CHCHD3: variants seen among roughly 807,000 people sequenced by gnomAD.
CHCHD3 encodes the protein MICOS complex subunit MIC19.
In CHCHD3, 20 loss-of-function variants were observed where a neutral mutation model predicts 38.2. The ratio of observed to expected loss-of-function variants is 0.52; its 90% CI spans 0.37 to 0.76. CHCHD3 has a LOEUF of 0.76. CHCHD3 is among the 30% of genes least tolerant of loss of function. The pLI is 0.00. For synonymous variants in CHCHD3, 82 were observed against 100.0 expected (o/e 0.82, Z 1.07); for missense variants, 245 against 279.2 (o/e 0.88, Z 0.87).
At position 133,035,621 on chromosome 7, in the gene CHCHD3, G is replaced by T; in HGVS notation, c.170-10994C>A. Reference sequence around the variant, plus strand: ...GGGGCACTATATCGGAATCAGCAAAGCTCACCCACTGCACCACCTGGGCTG... The same window carrying T: ...GGGGCACTATATCGGAATCAGCAAATCTCACCCACTGCACCACCTGGGCTG... On this transcript the variant is annotated intron_variant, in intron 2 of 7. Coordinates refer to ENST00000262570, the MANE Select transcript of CHCHD3 (RefSeq NM_017812.4). The surrounding 1 kb of genome is among the most constrained non-coding windows in gnomAD (Gnocchi z 4.7). The T allele has an allele frequency of 6.2e-7, 1 of 1,611,590 alleles. No individual in the cohort carries two copies. Among genetic ancestry groups the T allele is most frequent in the Non-Finnish European group, 8.5e-7 (1 of 1,178,620 alleles).
intron 4 of CHCHD3, among the ~76,000 whole-genome samples, chr7:132,927,940 C>CAA (rs137999712): frequency 6.6e-6 from 1 of 152,056 alleles, no homozygotes; most frequent in South Asian, 2.1e-4. Context: ...TTTATTCATA[C>CAA]AAAAAAAATT....
At chr7:133,033,452 C>A (rs996039441) in intron 2 of CHCHD3, among the ~76,000 whole-genome samples, 13 of 152,046 alleles carry the variant, frequency 8.6e-5, no homozygotes, top group Admixed American at 3.9e-4. Context: ...GAAGTGGTGC[C>A]GTACTCCTCA....
At chr7:132,822,123 G>A (rs957751626) in intron 6 of CHCHD3, among the ~76,000 whole-genome samples, 1 of 152,198 alleles carries the variant, frequency 6.6e-6, no homozygotes, top group Non-Finnish European at 1.5e-5. Context: ...TCGTCTGTTA[G>A]AAAAGGTGAA....
chr7:132,923,388 A>G (rs1585641837), intron 4 of CHCHD3, among the ~76,000 whole-genome samples: 1 of 152,160 alleles, frequency 6.6e-6, no homozygotes, highest in East Asian at 1.9e-4. Flanking sequence ...TCGCCTTTCC[A>G]TATGGATAAG....
chr7:132,803,715 G>A (rs1394750692), intron 6 of CHCHD3, among the ~76,000 whole-genome samples: 1 of 151,572 alleles, frequency 6.6e-6, no homozygotes, highest in Non-Finnish European at 1.5e-5. Flanking sequence ...GAGGAAAGCA[G>A]AAAGATATTA....
chr7:133,007,926 G>C (rs1203330483), intron 3 of CHCHD3, among the ~76,000 whole-genome samples: 1 of 152,160 alleles, frequency 6.6e-6, no homozygotes, highest in Non-Finnish European at 1.5e-5. Context: ...TCTACAGGTT[G>C]AATCTCATTT....
rs139579719 is a variant in CHCHD3 at position 132,884,204 on chromosome 7, A to G, written c.453+1458T>C. ...AACATGCCAAGTTCACGCCTGCTTC[A>G]CGGTTTTGGCAATGGCTTGCTTCCC... is the stretch of plus-strand genomic sequence containing the variant. On this transcript the variant is annotated intron_variant, in intron 5 of 7. Transcript: ENST00000262570. Among the ~76,000 whole-genome samples, 58 of 152,182 alleles carry G rather than the reference A, an allele frequency of 3.8e-4. 1 individual carries two copies. Among genetic ancestry groups the G allele is most frequent in the Middle Eastern group, 3.4e-3 (1 of 294 alleles).
chr7:132,851,232 A>C (rs1808212309), intron 5 of CHCHD3, among the ~76,000 whole-genome samples: 1 of 152,186 alleles, frequency 6.6e-6, no homozygotes, highest in African/African-American at 2.4e-5. Flanking sequence ...TTAAGGTTTT[A>C]GCCTGGGCAT....
intron 4 of CHCHD3, chr7:132,972,585 T>C: frequency 1.0e-6 from 1 of 985,330 alleles, no homozygotes; most frequent in Non-Finnish European, 1.2e-6. Flanking sequence ...AGAAATCTGG[T>C]AAATAAATTG....
At position 132,930,741 on chromosome 7, in the gene CHCHD3, T is replaced by C. The variant is rs557665800; in HGVS notation, c.369+44428A>G. Among the ~76,000 whole-genome samples, 19 of 152,242 alleles carry C rather than the reference T, an allele frequency of 1.2e-4. No homozygotes were observed. The South Asian group carries it at 3.7e-3, about 30-fold the overall frequency. On this transcript the variant is annotated intron_variant, in intron 4 of 7. Transcript: ENST00000262570. The stretch of plus-strand genomic sequence containing the variant: ...CTAAGTTCTTGCAACATTAAGTTAC[T>C]CAACATCCTAAAGTAGAACCCATGT...
intron 2 of CHCHD3, among the ~76,000 whole-genome samples, chr7:133,027,651 A>G (rs977079441): frequency 8.5e-5 from 13 of 152,126 alleles, no homozygotes; most frequent in African/African-American, 2.9e-4. Flanking sequence ...ACTGTATACT[A>G]TGCTTCTGTT....
intron 5 of CHCHD3, among the ~76,000 whole-genome samples, chr7:132,842,539 G>C (rs1807966077): frequency 6.6e-6 from 1 of 152,056 alleles, no homozygotes; most frequent in African/African-American, 2.4e-5. Flanking sequence ...TCTGTTTCAG[G>C]ACTTAATCTT....
In CHCHD3 at chr7:132,931,082, C is replaced by A. The variant is rs969295030; in HGVS notation, c.369+44087G>T. On this transcript the variant is annotated intron_variant, in intron 4 of 7. Transcript: ENST00000262570. ...AGCACTCACCACATAGAGGGCAGCA[C>A]ACTCTTGTGGAAAAACTCCAGAAGT... 5.3e-5 allele frequency among the ~76,000 whole-genome samples: 8 copies of A among 152,334 alleles called. No individual in the cohort carries two copies. In the South Asian group the frequency reaches 1.7e-3, roughly 32 times the overall value.
intron 2 of CHCHD3, among the ~76,000 whole-genome samples, chr7:133,033,623 AT>A (rs1813566008): frequency 6.6e-6 from 1 of 152,212 alleles, no homozygotes; most frequent in Non-Finnish European, 1.5e-5. Flanking sequence ...ATAGTCACAA[AT>A]AATCTACTAA....
intron 3 of CHCHD3, among the ~76,000 whole-genome samples, chr7:132,998,129 T>C (rs1166310730): frequency 6.6e-6 from 1 of 152,192 alleles, no homozygotes; most frequent in African/African-American, 2.4e-5. Flanking sequence ...TATACAAAAA[T>C]TCAACTATAA....
At chr7:132,965,844 C>A (rs997836480) in intron 4 of CHCHD3, among the ~76,000 whole-genome samples, 1 of 152,072 alleles carries the variant, frequency 6.6e-6, no homozygotes, top group Non-Finnish European at 1.5e-5. Context: ...TTGAAACAGG[C>A]AGAGGGTAAG....
chr7:132,807,252 G>C (rs1806943348), intron 6 of CHCHD3, among the ~76,000 whole-genome samples: 1 of 152,188 alleles, frequency 6.6e-6, no homozygotes, highest in South Asian at 2.1e-4. Flanking sequence ...CCCATGATGG[G>C]AGATGCTCAA....
intron 5 of CHCHD3, chr7:132,849,140 G>A (rs1008160490): frequency 1.3e-5 from 2 of 152,116 alleles, no homozygotes; most frequent in Non-Finnish European, 2.9e-5. Context: ...ACTTGGCATA[G>A]GGCCTGGTTT....
At chr7:132,807,123 G>A (rs762559521) in intron 6 of CHCHD3, among the ~76,000 whole-genome samples, 29 of 152,314 alleles carry the variant, frequency 1.9e-4, no homozygotes, top group Non-Finnish European at 3.8e-4. Context: ...GAAAAAAGCA[G>A]TACATGAGAA....
Sources: allele counts gnomAD v4.1 joint callset (sites outside exome capture counted in the v4.1 genomes callset), GRCh38; gene constraint gnomAD v4.1.1; non-coding constraint Gnocchi (gnomAD v3.1); transcripts MANE v1.5; gene names NCBI Gene and HGNC (gene_info 2026-07-23, HGNC 2026-07-21).